Variants in FANCA observed in about 807,000 individuals in gnomAD.
The protein encoded by FANCA is FA complementation group A, also known as Fanconi anemia group A protein.
In FANCA, 236 loss-of-function variants were observed where a neutral mutation model predicts 194.3. That is an observed-to-expected ratio of 1.21 (90% CI 1.09 to 1.35). The LOEUF (loss-of-function observed/expected upper bound fraction) is 1.35, where lower values mean the gene tolerates loss of function less well. Ranked by LOEUF, FANCA falls within the 40% of genes most tolerant of loss-of-function variation. FANCA has a pLI of 0.00. For missense variants in FANCA, 2,628 were observed against 1,813.9 expected, an observed-to-expected ratio of 1.45 and a Z score of -8.15; for synonymous variants, 1,014 against 715.8, an observed-to-expected ratio of 1.42 and a Z score of -6.65.
intron 8 of FANCA, 96 bp downstream of exon 8, chr16:89,803,163 C>T: frequency 2.6e-6 from 3 of 1,173,432 alleles, no homozygotes; most frequent in Non-Finnish European, 3.9e-6. Context: ...TAGGTACAAA[C>T]AGCACGTTTC....
chr16:89,792,170 C>T (rs2143532004), intron 12 of FANCA, 102 bp from the exon 13 acceptor site: 5 of 1,356,976 alleles, frequency 3.7e-6, no homozygotes, highest in Non-Finnish European at 5.3e-6. Flanking sequence ...AGCCCCCTCA[C>T]TTCCCACTGC....
At position 89,773,335 on chromosome 16, in the gene FANCA, C is replaced by T. The variant is rs1019572431; in HGVS notation, c.1950G>A (p.Leu650=). ...RAEPNSAEEP[L]GQLTAALGEL... is the part of the protein sequence containing the mutation. Reference sequence around the variant, plus strand: ...CTCCCAGTGCAGCTGTGAGCTGTCCCAGGGGCTCCTCAGCAGAGTTGGGTT... The same window carrying T: ...CTCCCAGTGCAGCTGTGAGCTGTCCTAGGGGCTCCTCAGCAGAGTTGGGTT... Residue 650 remains leucine (L), a synonymous_variant, in exon 22 of 43, where the codon CTG becomes CTA. Coordinates refer to ENST00000389301, the MANE Select transcript of FANCA (RefSeq NM_000135.4). 2 of 1,551,626 alleles carry T rather than the reference C, an allele frequency of 1.3e-6. No homozygotes were observed. The highest frequency in any genetic ancestry group is 2.4e-5 in the South Asian group (2 of 84,068).
chr16:89,779,315 CA>C (rs1405722759), intron 18 of FANCA, among the ~76,000 whole-genome samples: 2 of 152,180 alleles, frequency 1.3e-5, no homozygotes, highest in Non-Finnish European at 2.9e-5. Flanking sequence ...AGCTAAATTT[CA>C]AAACCCTGGG....
chr16:89,803,975 G>A (rs952909126), intron 7 of FANCA, among the ~76,000 whole-genome samples: 2 of 151,936 alleles, frequency 1.3e-5, no homozygotes, highest in African/African-American at 4.8e-5. Context: ...GGATTGTCTT[G>A]CCTGCCAATC....
At chr16:89,811,386 G>C (rs1336887364) in intron 3 of FANCA, among the ~76,000 whole-genome samples, 2 of 152,216 alleles carry the variant, frequency 1.3e-5, no homozygotes, top group African/African-American at 2.4e-5. Flanking sequence ...TTTTACAAAG[G>C]AGCACAATAA....
intron 14 of FANCA, 109 bp downstream of exon 14, chr16:89,791,294 C>A: frequency 6.9e-7 from 1 of 1,450,790 alleles, no homozygotes. Context: ...AAGCTGACAG[C>A]AAGGTTGCTC....
chr16:89,793,038 C>T (rs1053647244), intron 11 of FANCA, among the ~76,000 whole-genome samples: 4 of 152,146 alleles, frequency 2.6e-5, no homozygotes, highest in Non-Finnish European at 5.9e-5. Context: ...GGACTAGGAG[C>T]GTGACCACTG....
chr16:89,803,853 T>G (rs2040543202), intron 7 of FANCA, among the ~76,000 whole-genome samples: 1 of 152,120 alleles, frequency 6.6e-6, no homozygotes, highest in African/African-American at 2.4e-5. Context: ...ACTCCTGACC[T>G]CATGATCCAC....
chr16:89,791,705 G>C (rs1477340609), intron 13 of FANCA, 169 bp from the exon 14 acceptor site: 22 of 1,048,216 alleles, frequency 2.1e-5, no homozygotes, highest in Non-Finnish European at 2.8e-5. Flanking sequence ...AACCACTAGA[G>C]ACCTGAATGA....
At chr16:89,767,323 A>C (rs1287391760) in intron 26 of FANCA, 86 bp from the exon 27 acceptor site, 1 of 953,590 alleles carries the variant, frequency 1.0e-6, no homozygotes, top group Non-Finnish European at 1.7e-6. Context: ...CATAAAACTG[A>C]ATTTAGTGCA....
intron 26 of FANCA, among the ~76,000 whole-genome samples, chr16:89,768,986 T>C (rs1165140089): frequency 6.6e-6 from 1 of 152,174 alleles, no homozygotes; most frequent in African/African-American, 2.4e-5. Flanking sequence ...AGGGACTCTG[T>C]ATCCCCGGAG....
intron 14 of FANCA, among the ~76,000 whole-genome samples, chr16:89,785,355 A>T (rs1007334074): frequency 6.6e-6 from 1 of 152,226 alleles, no homozygotes; most frequent in Non-Finnish European, 1.5e-5. Context: ...AAATGCCCTA[A>T]GAAGTGTTTG....
chr16:89,760,022 TG>T (rs1567610889), intron 29 of FANCA, among the ~76,000 whole-genome samples: 1 of 151,638 alleles, frequency 6.6e-6, no homozygotes, highest in African/African-American at 2.4e-5. Context: ...TGTCCGGAAC[TG>T]GGGTGCTCCA....
intron 39 of FANCA, 35 bp from the exon 40 acceptor site, chr16:89,739,588 A>G: frequency 1.9e-6 from 3 of 1,547,520 alleles, no homozygotes; most frequent in Non-Finnish European, 2.6e-6. Flanking sequence ...GCAACTCTGG[A>G]CATCTCTGCC....
At chr16:89,790,610 T>A (rs2040037362) in intron 14 of FANCA, among the ~76,000 whole-genome samples, 1 of 148,266 alleles carries the variant, frequency 6.7e-6, no homozygotes, top group African/African-American at 2.5e-5. Flanking sequence ...ACACCTGTAA[T>A]CCCAGCTACT....
rs769956561 is a variant in FANCA, at chr16:89,758,542, C to T, written c.2981+35G>A. ...TATATATATCCTATTAGTCCTGTCC[C>T]TCCAGAGAACCCTAATACAGTGTGT... On this transcript the variant is annotated intron_variant, in intron 30 of 42. Transcript: ENST00000389301. 6.2e-6 allele frequency: 10 copies of T among 1,609,826 alleles called. No homozygotes were observed. In the East Asian group the frequency reaches 6.7e-5, roughly 11 times the overall value.
In FANCA at chr16:89,807,788, CAGG is replaced by C. The variant is rs376531043; in HGVS notation, c.596+503_596+505del. On this transcript the variant is annotated intron_variant, in intron 6 of 42. Coordinates refer to ENST00000389301, the MANE Select transcript of FANCA (RefSeq NM_000135.4). ...GTCCCAGCTACTCGGGAAGCTGAGG[CAGG>C]AGAATGGCGTGAACCCGGGAGGTGG... Among the ~76,000 whole-genome samples the C allele has an allele frequency of 1.6e-3, 239 of 152,182 alleles. 1 individual carries two copies. The highest frequency in any genetic ancestry group is 5.1e-3 in the African/African-American group (212 of 41,542).
chr16:89,748,228 A>T (rs2038458181), intron 33 of FANCA, among the ~76,000 whole-genome samples: 12 of 152,174 alleles, frequency 7.9e-5, no homozygotes, highest in Admixed American at 7.9e-4. Flanking sequence ...TCACCCTGCA[A>T]CTCACGCTGG....
chr16:89,799,293 C>A, intron 9 of FANCA, 61 bp from the exon 10 acceptor site: 1 of 1,600,190 alleles, frequency 6.2e-7, no homozygotes, highest in Non-Finnish European at 8.5e-7. Flanking sequence ...CCACCAGAAA[C>A]AATCCCCAGG....
Sources: gnomAD v4.1 joint callset for allele counts (sites outside exome capture counted in the v4.1 genomes callset) on GRCh38, gnomAD v4.1.1 for gene constraint, MANE v1.5 for transcripts, NCBI Gene and HGNC (gene_info 2026-07-23, HGNC 2026-07-21) for gene names.